Variants in GRIN2A observed in about 807,000 individuals in gnomAD.
GRIN2A encodes glutamate ionotropic receptor NMDA type subunit 2A.
Under a neutral mutation model 113.4 loss-of-function variants are expected in GRIN2A, and 22 were observed. That is an observed-to-expected ratio of 0.19 (90% confidence interval 0.14 to 0.28). GRIN2A has a LOEUF of 0.28. Among genes scored for constraint, GRIN2A ranks in the 10% least tolerant of loss-of-function variants. The probability of loss-of-function intolerance (pLI) is 1.00; values close to 1 mark genes in which losing one functional copy is unlikely to be tolerated. For synonymous variants in GRIN2A, 827 were observed against 738.4 expected (o/e 1.12, Z -1.94); for missense variants, 1,502 against 1,887.0 (o/e 0.80, Z 3.78).
upstream of GRIN2A, chr16:10,182,705 A>T (rs1293143509): frequency 6.6e-6 from 1 of 152,228 alleles, no homozygotes; most frequent in South Asian, 2.1e-4. Context: ...GGTCATCTCC[A>T]GGGCTGATGG....
At chr16:10,104,122 A>AT (rs1399669676) in intron 2 of GRIN2A, among the ~76,000 whole-genome samples, 4 of 152,214 alleles carry the variant, frequency 2.6e-5, no homozygotes, top group South Asian at 4.1e-4. Flanking sequence ...AAGGGTTGTT[A>AT]TTTTTTCTCT....
At chr16:9,943,246 C>A (rs1400488202) in intron 2 of GRIN2A, 2 of 152,254 alleles carry the variant, frequency 1.3e-5, no homozygotes, top group South Asian at 2.1e-4. Flanking sequence ...AGATTTCATA[C>A]ACCCACTTTG....
chr16:10,154,819 G>A (rs1410620611), intron 2 of GRIN2A, among the ~76,000 whole-genome samples: 1 of 152,134 alleles, frequency 6.6e-6, no homozygotes, highest in East Asian at 1.9e-4. Flanking sequence ...GCCAGAAAAT[G>A]TGAAAGAGGC....
At chr16:9,833,991 AC>A in intron 8 of GRIN2A, 113 bp downstream of exon 8, 3 of 1,038,294 alleles carry the variant, frequency 2.9e-6, no homozygotes, top group Non-Finnish European at 3.0e-6. Flanking sequence ...TGCTGGGATT[AC>A]AGGCGTGAGC....
In GRIN2A at chr16:9,756,376, G is replaced by A. The variant is rs2141111113; in HGVS notation, c.*6773C>T. The stretch of plus-strand genomic sequence containing the variant: ...ACTATGAACAGAGGTGAGATCCCCA[G>A]AAGTTCTCCATACACACAGATCAGG... On this transcript the variant is annotated 3_prime_UTR_variant, in exon 13 of 13. Transcript: ENST00000330684. 1 of 230,700 alleles carries A rather than the reference G, an allele frequency of 4.3e-6. No homozygotes were observed. Among genetic ancestry groups the A allele is most frequent in the East Asian group, 6.1e-5 (1 of 16,322 alleles). 14.3% of individuals were successfully genotyped at this position (230,700 alleles called of 1,614,324 possible). A position where few individuals can be genotyped will look rare whatever the true frequency, so the allele number is the denominator to read the frequency against.
At chr16:10,018,699 C>T (rs890942325) in intron 2 of GRIN2A, among the ~76,000 whole-genome samples, 4 of 152,170 alleles carry the variant, frequency 2.6e-5, no homozygotes, top group Non-Finnish European at 5.9e-5. Flanking sequence ...GCCTGCACTG[C>T]CAGTCACTCC....
At chr16:9,872,733 A>G (rs2043290836) in intron 4 of GRIN2A, among the ~76,000 whole-genome samples, 1 of 152,164 alleles carries the variant, frequency 6.6e-6, no homozygotes, top group Non-Finnish European at 1.5e-5. Context: ...ACAGAGAGAC[A>G]AATACTAGGA....
chr16:9,811,983 C>T lies in GRIN2A; in HGVS notation c.2168+10281G>A, dbSNP rs74559167. On this transcript the variant is annotated intron_variant, in intron 10 of 12. Transcript: ENST00000330684. Reference sequence around the variant, plus strand: ...AGAAGAAACATTGCCCCTTTTGAAACAGTAGTAAAGATTTTAAAGAAAAAA... The same window carrying T: ...AGAAGAAACATTGCCCCTTTTGAAATAGTAGTAAAGATTTTAAAGAAAAAA... 4.5e-3 allele frequency among the ~76,000 whole-genome samples: 685 copies of T among 152,026 alleles called. 2 individuals are homozygous for T. Among genetic ancestry groups the T allele is most frequent in the African/African-American group, 0.014 (572 of 41,432 alleles).
intron 2 of GRIN2A, among the ~76,000 whole-genome samples, chr16:10,000,670 A>G (rs1035537476): frequency 2.0e-5 from 3 of 152,162 alleles, no homozygotes; most frequent in Non-Finnish European, 4.4e-5. Context: ...TAAGGAAGAC[A>G]AAAAAACAAA....
intron 2 of GRIN2A, among the ~76,000 whole-genome samples, chr16:10,140,373 C>G (rs2049300758): frequency 6.6e-6 from 1 of 152,110 alleles, no homozygotes. Context: ...AAATCTCTTT[C>G]AAAGATTTGG....
chr16:10,032,525 C>A (rs2352752), intron 2 of GRIN2A, among the ~76,000 whole-genome samples: 11 of 152,174 alleles, frequency 7.2e-5, no homozygotes, highest in African/African-American at 2.2e-4. Flanking sequence ...CAGACATTTA[C>A]CATGTGTTCC....
chr16:9,978,759 G>C (rs531772987), intron 2 of GRIN2A, among the ~76,000 whole-genome samples: 1 of 152,328 alleles, frequency 6.6e-6, no homozygotes, highest in East Asian at 1.9e-4. Context: ...ATGAAAGCAA[G>C]TTCCTCTGTA....
intron 2 of GRIN2A, among the ~76,000 whole-genome samples, chr16:9,995,263 C>T (rs2046201634): frequency 6.6e-6 from 1 of 152,102 alleles, no homozygotes; most frequent in African/African-American, 2.4e-5. Context: ...AAGGCTAAGC[C>T]CATCTAAGAC....
At position 10,130,934 on chromosome 16, in the gene GRIN2A, G is replaced by T. The variant is rs1000270914; in HGVS notation, c.414+49064C>A. 2.0e-5 allele frequency among the ~76,000 whole-genome samples: 3 copies of T among 152,180 alleles called. No homozygotes were observed. The East Asian group carries it at 5.8e-4, about 29-fold the overall frequency. The stretch of plus-strand genomic sequence containing the variant: ...CTCTTCAGCTATCCTGAGAAGTGTG[G>T]GGACTGAGGACTAAGAGGGACAGAG... On this transcript the variant is annotated intron_variant, in intron 2 of 12. Coordinates refer to ENST00000330684, the MANE Select transcript of GRIN2A (RefSeq NM_001134407.3).
chr16:10,152,834 C>A (rs866400647), intron 2 of GRIN2A, among the ~76,000 whole-genome samples: 1 of 152,178 alleles, frequency 6.6e-6, no homozygotes, highest in South Asian at 2.1e-4. Context: ...AGAAGCCAAT[C>A]TGAAAAGGTT....
At chr16:9,767,222 C>T (rs1262051779) in intron 12 of GRIN2A, among the ~76,000 whole-genome samples, 1 of 152,164 alleles carries the variant, frequency 6.6e-6, no homozygotes, top group Non-Finnish European at 1.5e-5. Context: ...TGTATTTGCA[C>T]AGAACCCGAG....
At position 9,945,893 on chromosome 16, in the gene GRIN2A, A is replaced by G. The variant is rs536899665; in HGVS notation, c.415-7342T>C. 2.6e-5 allele frequency among the ~76,000 whole-genome samples: 4 copies of G among 152,304 alleles called. No homozygotes were observed. In the East Asian group the frequency reaches 7.7e-4, roughly 29 times the overall value. Reference sequence around the variant, plus strand: ...TACTCTAACTTCAAATATTGTGGCTAGAACTTCCATGTTTTCCTGGGAATT... The same window carrying G: ...TACTCTAACTTCAAATATTGTGGCTGGAACTTCCATGTTTTCCTGGGAATT... On this transcript the variant is annotated intron_variant, in intron 2 of 12. Coordinates refer to ENST00000330684, the MANE Select transcript of GRIN2A (RefSeq NM_001134407.3).
At chr16:10,139,053 T>C (rs2049265592) in intron 2 of GRIN2A, among the ~76,000 whole-genome samples, 1 of 152,050 alleles carries the variant, frequency 6.6e-6, no homozygotes, top group African/African-American at 2.4e-5. Context: ...CGAAGACCAG[T>C]CGTGTGTGAA....
At chr16:9,955,693 T>C (rs964057432) in intron 2 of GRIN2A, among the ~76,000 whole-genome samples, 1 of 152,240 alleles carries the variant, frequency 6.6e-6, no homozygotes, top group African/African-American at 2.4e-5. Flanking sequence ...CTAATCACTA[T>C]ATCTCCAGCA....
Sources: allele counts gnomAD v4.1 joint callset (sites outside exome capture counted in the v4.1 genomes callset), GRCh38; gene constraint gnomAD v4.1.1; transcripts MANE v1.5; gene names NCBI Gene and HGNC (gene_info 2026-07-23, HGNC 2026-07-21).